The following A2ML1 variants were observed in gnomAD, a reference collection of about 807,000 sequenced individuals.
The protein encoded by A2ML1 is alpha-2-macroglobulin-like protein 1.
In A2ML1, 161 loss-of-function variants were observed where a neutral mutation model predicts 181.9. The observed-to-expected ratio is 0.89, with a 90% confidence interval of 0.78 to 1.01. A2ML1 has a LOEUF of 1.01. Among genes scored for constraint, A2ML1 ranks in the 50% least tolerant of loss-of-function variants. A2ML1 has a pLI of 0.00. For synonymous variants in A2ML1, 663 were observed against 666.8 expected (o/e 0.99, Z 0.09); for missense variants, 1,670 against 1,768.1 (o/e 0.94, Z 1.00).
At chr12:8,831,401 G>A (rs553964968) in intron 4 of A2ML1, among the ~76,000 whole-genome samples, 3 of 152,170 alleles carry the variant, frequency 2.0e-5, no homozygotes, top group Admixed American at 6.5e-5. Flanking sequence ...CAAATGAAGC[G>A]GGATTACTTC....
rs1944475169 is a variant in A2ML1 at position 8,867,935 on chromosome 12, A to C, written c.3811A>C (p.Asn1271His). The change falls in exon 30 of 36, where the codon AAT becomes CAT. Residue 1271 changes from asparagine (N) to histidine (H), a missense_variant. Asn to His is a moderately conservative substitution (Grantham distance 68). Transcript: ENST00000299698. Reference protein sequence around the residue: ...EINLVVKSTENFQRTFNIQSV... With the variant: ...EINLVVKSTEHFQRTFNIQSV... ...CAACCTGGTTGTAAAATCCACTGAG[A>C]ATTTCCAGCGCACATTCAACATACA... 1 of 1,614,102 alleles carries C rather than the reference A, an allele frequency of 6.2e-7. No homozygotes were observed. The highest frequency in any genetic ancestry group is 8.5e-7 in the Non-Finnish European group (1 of 1,180,048).
At chr12:8,834,371 A>T (rs1054946674) in intron 4 of A2ML1, among the ~76,000 whole-genome samples, 5 of 152,140 alleles carry the variant, frequency 3.3e-5, no homozygotes, top group Non-Finnish European at 1.5e-5. Context: ...GCTCAGTCAC[A>T]GGGTACTGAG....
intron 20 of A2ML1, 43 bp from the exon 21 acceptor site, chr12:8,854,085 C>A: frequency 6.7e-7 from 1 of 1,496,848 alleles, no homozygotes; most frequent in Non-Finnish European, 8.9e-7. Flanking sequence ...TCACTGGTAC[C>A]TCTGGCAATA....
At chr12:8,836,824 T>A (rs750673620) in intron 7 of A2ML1, among the ~76,000 whole-genome samples, 1 of 152,152 alleles carries the variant, frequency 6.6e-6, no homozygotes, top group East Asian at 1.9e-4. Context: ...TTTTTTTCCA[T>A]TGCTCACTCA....
intron 26 of A2ML1, 48 bp downstream of exon 26, chr12:8,858,150 C>CCA (rs747896075): frequency 3.2e-6 from 5 of 1,586,372 alleles, no homozygotes; most frequent in Non-Finnish European, 4.3e-6. Context: ...CTCGAAGGAC[C>CCA]CCACACCTCT....
intron 23 of A2ML1, 83 bp downstream of exon 23, chr12:8,855,675 C>G: frequency 7.7e-7 from 1 of 1,306,760 alleles, no homozygotes; most frequent in Non-Finnish European, 1.1e-6. Context: ...GACATACGGA[C>G]CTATCCGGAG....
Position 8,857,592 on chromosome 12 carries a change from A to T in A2ML1, c.3107+4A>T, listed in dbSNP as rs1429156874. The T allele has an allele frequency of 1.2e-6, 2 of 1,608,520 alleles. No individual in the cohort carries two copies. The highest frequency in any genetic ancestry group is 1.7e-6 in the Non-Finnish European group (2 of 1,177,328). ...GAGATGGAAATGGAAACACATGGTA[A>T]TATCACCCAATTCCCAATGAGTTCT... On this transcript the variant is annotated splice_donor_region_variant and intron_variant, in intron 25 of 35. Transcript: ENST00000299698.
At chr12:8,834,520 C>G in intron 4 of A2ML1, 142 bp from the exon 5 acceptor site, 2 of 1,016,652 alleles carry the variant, frequency 2.0e-6, no homozygotes, top group Non-Finnish European at 2.9e-6. Flanking sequence ...TTTCAGGGCA[C>G]AAAAGAGCCA....
Position 8,836,481 on chromosome 12 carries a change from C to CT in A2ML1, c.728+161dup, listed in dbSNP as rs751110394. On this transcript the variant is annotated intron_variant, in intron 7 of 35. Transcript: ENST00000299698. The stretch of plus-strand genomic sequence containing the variant: ...TTCAGAGTCATGGCTTATCCAAGAC[C>CT]TTTTTTTTTTTTTTTTTTTGAGACA... The CT allele has an allele frequency of 0.033, 13,032 of 389,220 alleles. 289 individuals are homozygous for CT. The highest frequency in any genetic ancestry group is 0.12 in the African/African-American group (4,549 of 38,568). 24.1% of individuals were successfully genotyped at this position (389,220 alleles called of 1,614,324 possible).
intron 4 of A2ML1, among the ~76,000 whole-genome samples, chr12:8,831,928 T>C (rs1364465458): frequency 1.3e-5 from 2 of 152,200 alleles, no homozygotes; most frequent in African/African-American, 4.8e-5. Flanking sequence ...TTTGGTACTT[T>C]TAGTAGAGAC....
chr12:8,863,606 C>A (rs1168475119), intron 28 of A2ML1, among the ~76,000 whole-genome samples, 188 bp from the exon 29 acceptor site: 2 of 152,200 alleles, frequency 1.3e-5, no homozygotes, highest in African/African-American at 4.8e-5. Flanking sequence ...GCTTTACACA[C>A]AGGCACGCAC....
At chr12:8,869,041 TA>T in intron 32 of A2ML1, 93 bp from the exon 33 acceptor site, 1 of 1,226,766 alleles carries the variant, frequency 8.2e-7, no homozygotes, top group Non-Finnish European at 1.2e-6. Context: ...TTCCACAGTA[TA>T]TATTGTTTCC....
chr12:8,877,087 C>G (rs776815412), downstream of A2ML1, among the ~76,000 whole-genome samples: 9 of 152,346 alleles, frequency 5.9e-5, no homozygotes, highest in South Asian at 8.3e-4. Flanking sequence ...AACCTCTCCC[C>G]ACATGGGCTA....
At chr12:8,853,802 C>T (rs1409248638) in intron 20 of A2ML1, among the ~76,000 whole-genome samples, 1 of 152,144 alleles carries the variant, frequency 6.6e-6, no homozygotes, top group Non-Finnish European at 1.5e-5. Context: ...GTAACCTAAT[C>T]CCAGAAGAGT....
chr12:8,845,883 ATAAAAT>A lies in A2ML1; in HGVS notation c.1538-193_1538-188del, dbSNP rs1565475837. On this transcript the variant is annotated intron_variant, in intron 13 of 35. Transcript: ENST00000299698. ...AAAAAAATAAATAAAATAAAATAAA[ATAAAAT>A]AAAAAAATTCTTATCCACAGAAGTA... 5.5e-3 allele frequency among the ~76,000 whole-genome samples: 589 copies of A among 106,708 alleles called. 30 individuals carry two copies. The highest frequency in any genetic ancestry group is 0.024 in the African/African-American group (556 of 23,232). 70.0% of individuals were successfully genotyped at this position (106,708 alleles called of 152,430 possible).
chr12:8,835,402 A>G (rs971575366), intron 5 of A2ML1, 105 bp from the exon 6 acceptor site: 10 of 1,423,348 alleles, frequency 7.0e-6, no homozygotes, highest in Non-Finnish European at 9.7e-6. Context: ...GGTCATGAAC[A>G]ATGGGTGGGG....
In A2ML1 at chr12:8,839,127, G is replaced by A. The variant is rs1943383450; in HGVS notation, c.985G>A (p.Ala329Thr). The A allele has an allele frequency of 1.9e-6, 3 of 1,612,758 alleles. No individual in the cohort carries two copies. The highest frequency in any genetic ancestry group is 2.5e-6 in the Non-Finnish European group (3 of 1,179,262). ...VEEGTGVEANATQNIYISPQM... is the reference protein window; with the variant it reads ...VEEGTGVEANTTQNIYISPQM... ...TCCCTCTGCAGGTGTGGAGGCCAAT[G>A]CCACTCAGAATATCTACATTTCTCC... Residue 329 changes from alanine (A) to threonine (T), a missense_variant, in exon 10 of 36, where the codon GCC becomes ACC. Transcript: ENST00000299698.
At chr12:8,880,758 A>C (rs1944863194), downstream of A2ML1, 1 of 152,194 alleles carries the variant, frequency 6.6e-6, no homozygotes, top group Non-Finnish European at 1.5e-5. Context: ...TATTCGGGCC[A>C]TTGCAATCAA....
At chr12:8,834,534 A>G in intron 4 of A2ML1, 128 bp from the exon 5 acceptor site, 1 of 1,163,212 alleles carries the variant, frequency 8.6e-7, no homozygotes, top group Non-Finnish European at 1.2e-6. Context: ...AGAGCCATTT[A>G]GAAAGGAAGA....
Sources: allele counts gnomAD v4.1 joint callset (sites outside exome capture counted in the v4.1 genomes callset), GRCh38; gene constraint gnomAD v4.1.1; transcripts MANE v1.5; gene names NCBI Gene and HGNC (gene_info 2026-07-23, HGNC 2026-07-21).